ASPSCR1: variants seen among roughly 807,000 people sequenced by gnomAD.
ASPSCR1 encodes the protein ASPSCR1 tether for SLC2A4, UBX domain containing.
In ASPSCR1, 55 loss-of-function variants were observed where a neutral mutation model predicts 68.9. The observed-to-expected ratio is 0.80, with a 90% CI of 0.64 to 1.00. The LOEUF (loss-of-function observed/expected upper bound fraction) is 1.00, where lower values mean the gene tolerates loss of function less well. ASPSCR1 is among the 50% of genes least tolerant of loss of function. The pLI is 0.00. For synonymous variants in ASPSCR1, 352 were observed against 332.6 expected, an observed-to-expected ratio of 1.06 and a Z score of -0.63; for missense variants, 765 against 762.2, an observed-to-expected ratio of 1.00 and a Z score of -0.04.
At chr17:82,013,575 C>T (rs1245512078) in intron 12 of ASPSCR1, 2 of 152,194 alleles carry the variant, frequency 1.3e-5, no homozygotes, top group African/African-American at 4.8e-5. Flanking sequence ...GCGGAAGCAC[C>T]AGCTTTCACG....
In ASPSCR1 at chr17:81,996,420, G is replaced by T; in HGVS notation, c.507G>T (p.Arg169Ser). The stretch of plus-strand genomic sequence containing the variant: ...TCCCTTGTCCTCTGGCCCCACTCAG[G>T]TTTGTCATGAAGTGCTACGACCCCG... ...LGLTGGSATI[R>S]FVMKCYDPVG... Residue 169 changes from arginine to serine, a missense_variant and splice_region_variant, in exon 7 of 16, where the codon AGG (arginine) becomes AGT (serine). By Grantham distance (110) the Arg-to-Ser change is moderately radical (BLOSUM62 -1). Coordinates refer to ENST00000306739, the MANE Select transcript of ASPSCR1 (RefSeq NM_024083.4). The T allele has an allele frequency of 6.3e-7, 1 of 1,581,004 alleles. No homozygotes were observed. Among genetic ancestry groups the T allele is most frequent in the African/African-American group, 1.4e-5 (1 of 73,942 alleles).
chr17:81,983,742 A>G lies in ASPSCR1; in HGVS notation c.273+74A>G. 7.8e-7 allele frequency: 1 copy of G among 1,287,076 alleles called. No individual in the cohort carries two copies. The highest frequency in any genetic ancestry group is 1.1e-6 in the Non-Finnish European group (1 of 914,272). The allele number at this position is 1,287,076 out of a possible 1,614,324, so 79.7% of individuals were successfully genotyped here. On this transcript the variant is annotated intron_variant, in intron 3 of 15. Transcript: ENST00000306739. This position sits in a 1 kb window ranked among gnomAD's most constrained non-coding sequence, Gnocchi z 4.4. The stretch of plus-strand genomic sequence containing the variant: ...CAGCTGGCCAGGGACGGGGGACGGG[A>G]CAGTGGGGGGTGCTGGGGAAGGAGG...
chr17:81,982,372 G>A (rs954569031), intron 2 of ASPSCR1, among the ~76,000 whole-genome samples: 1 of 152,264 alleles, frequency 6.6e-6, no homozygotes, highest in South Asian at 2.1e-4. Context: ...CCATAGCCAT[G>A]TTTTCAGGTG....
chr17:81,985,073 T>TAC (rs536199160), intron 3 of ASPSCR1, among the ~76,000 whole-genome samples: 3 of 94,746 alleles, frequency 3.2e-5, no homozygotes, highest in Non-Finnish European at 6.1e-5. Context: ...CACACACCTG[T>TAC]ACACACACAC....
rs1206851423 is a variant in ASPSCR1 at position 81,983,744 on chromosome 17, A to T, written c.273+76A>T. 2.3e-5 allele frequency: 28 copies of T among 1,234,450 alleles called. No homozygotes were observed. The highest frequency in any genetic ancestry group is 2.9e-5 in the Non-Finnish European group (25 of 870,774). The allele number at this position is 1,234,450 out of a possible 1,614,324, so 76.5% of individuals were successfully genotyped here. A position where few individuals can be genotyped will look rare whatever the true frequency, so the allele number is the denominator to read the frequency against. On this transcript the variant is annotated intron_variant, in intron 3 of 15. Coordinates refer to ENST00000306739, the MANE Select transcript of ASPSCR1 (RefSeq NM_024083.4). This position sits in a 1 kb window ranked among gnomAD's most constrained non-coding sequence, Gnocchi z 4.4. ...GCTGGCCAGGGACGGGGGACGGGACAGTGGGGGGTGCTGGGGAAGGAGGGA... is the reference window on the plus strand; with the variant it reads ...GCTGGCCAGGGACGGGGGACGGGACTGTGGGGGGTGCTGGGGAAGGAGGGA...
Position 82,009,493 on chromosome 17 carries a change from C to G in ASPSCR1, c.1096C>G (p.Leu366Val). Residue 366 changes from leucine (L) to valine (V), a missense_variant, in exon 9 of 16, where the codon CTG becomes GTG. Coordinates refer to ENST00000306739, the MANE Select transcript of ASPSCR1 (RefSeq NM_024083.4). ...LAQLKSERKR[L>V]EEAPLVTKAF... ...TTCCCCTCCTCACCACAGGAAGCGC[C>G]TGGAAGAAGCCCCCTTGGTGACCAA... The G allele has an allele frequency of 6.3e-7, 1 of 1,580,004 alleles. No homozygotes were observed. The highest frequency in any genetic ancestry group is 8.6e-7 in the Non-Finnish European group (1 of 1,163,038).
At chr17:81,979,842 G>A (rs1049340840) in intron 2 of ASPSCR1, among the ~76,000 whole-genome samples, 1 of 152,188 alleles carries the variant, frequency 6.6e-6, no homozygotes, top group Non-Finnish European at 1.5e-5. Flanking sequence ...TGGGGATATT[G>A]TTCCCAAGAG....
chr17:81,983,944 G>A lies in ASPSCR1; in HGVS notation c.273+276G>A, dbSNP rs565558428. On this transcript the variant is annotated intron_variant, in intron 3 of 15. Transcript: ENST00000306739. The surrounding 1 kb of genome is among the most constrained non-coding windows in gnomAD (Gnocchi z 4.4). ...GCAGTCTCGGCTCACTTCAAGCTCC[G>A]CCTCCCGGGTTCACACCATTCTGCC... 2.9e-4 allele frequency among the ~76,000 whole-genome samples: 44 copies of A among 150,948 alleles called. No individual in the cohort carries two copies. In the East Asian group the frequency reaches 7.3e-3, roughly 25 times the overall value.
rs181139818 is a variant in ASPSCR1 at position 81,988,318 on chromosome 17, G to C, written c.374+2711G>C. ...TCTACTAAAAATACAAAAATTAGCT[G>C]GGCGCAATGGCTCATGCTTGTAGTC... is the stretch of plus-strand genomic sequence containing the variant. On this transcript the variant is annotated intron_variant, in intron 4 of 15. Coordinates refer to ENST00000306739, the MANE Select transcript of ASPSCR1 (RefSeq NM_024083.4). Among the ~76,000 whole-genome samples, 183 of 152,086 alleles carry C rather than the reference G, an allele frequency of 1.2e-3. 1 individual carries two copies. Among genetic ancestry groups the C allele is most frequent in the African/African-American group, 4.2e-3 (176 of 41,512 alleles).
chr17:82,001,294 T>G (rs983608500), intron 7 of ASPSCR1, among the ~76,000 whole-genome samples: 22 of 152,138 alleles, frequency 1.4e-4, no homozygotes, highest in African/African-American at 5.3e-4. Flanking sequence ...CCCTGGACCC[T>G]GACGCCGGGC....
intron 4 of ASPSCR1, among the ~76,000 whole-genome samples, chr17:81,993,115 T>A (rs2042224895): frequency 1.3e-5 from 2 of 152,056 alleles, no homozygotes; most frequent in African/African-American, 4.8e-5. Context: ...AGTCCCCAGG[T>A]GTCGGGGCTG....
Position 82,010,089 on chromosome 17 carries a change from T to TTG in ASPSCR1, c.1170+523_1170+524insGT, listed in dbSNP as rs754647845. 1.7e-3 allele frequency: 497 copies of TTG among 288,882 alleles called. 1 individual carries two copies. The highest frequency in any genetic ancestry group is 2.1e-3 in the Non-Finnish European group (311 of 145,082). The allele number at this position is 288,882 out of a possible 1,614,324, so 17.9% of individuals were successfully genotyped here. On this transcript the variant is annotated intron_variant, in intron 9 of 15. Coordinates refer to ENST00000306739, the MANE Select transcript of ASPSCR1 (RefSeq NM_024083.4). ...CACTAGCTCGGCTAATTTTTGTTGT[T>TTG]TTTTTTTTTTTTACTAGAGATGGAG...
In ASPSCR1 at chr17:82,009,325, C is replaced by T. The variant is rs943074619; in HGVS notation, c.1088+134C>T. 2.1e-4 allele frequency: 299 copies of T among 1,402,990 alleles called. 2 individuals are homozygous for T. The highest frequency in any genetic ancestry group is 4.2e-5 in the Non-Finnish European group (44 of 1,050,808). The allele number at this position is 1,402,990 out of a possible 1,614,324, so 86.9% of individuals were successfully genotyped here. On this transcript the variant is annotated intron_variant, in intron 8 of 15. Transcript: ENST00000306739. ...CCTGACAGGCTGCCCTTAACAGGAC[C>T]TCAGAGGGTTGGGGCCCAGGGAGGG...
chr17:81,977,681 T>C lies in ASPSCR1; in HGVS notation c.35T>C (p.Val12Ala). The C allele has an allele frequency of 4.3e-6, 6 of 1,396,676 alleles. No individual in the cohort carries two copies. The highest frequency in any genetic ancestry group is 5.6e-6 in the Non-Finnish European group (6 of 1,070,762). 86.5% of individuals were successfully genotyped at this position (1,396,676 alleles called of 1,614,324 possible). A position where few individuals can be genotyped will look rare whatever the true frequency, so the allele number is the denominator to read the frequency against. The change falls in exon 1 of 16, where the codon GTG becomes GCG. Residue 12 changes from valine to alanine, a missense_variant. Coordinates refer to ENST00000306739, the MANE Select transcript of ASPSCR1 (RefSeq NM_024083.4). This position sits in a 1 kb window ranked among gnomAD's most constrained non-coding sequence, Gnocchi z 5.0. ...CCGGCAGGCGGCGGAGGCTCCGCGG[T>C]GTCGGTGCTGGCCCCGAACGGCCGG... is the stretch of plus-strand genomic sequence containing the variant. ...AAPAGGGGSA[V>A]SVLAPNGRRH...
intron 1 of ASPSCR1, chr17:81,978,896 G>C (rs2041704673): frequency 1.9e-6 from 1 of 515,922 alleles, no homozygotes; most frequent in South Asian, 2.2e-5. Flanking sequence ...GAGAGCCCAG[G>C]GTGTGTGCCA....
Position 81,979,172 on chromosome 17 carries a change from T to A in ASPSCR1, c.103-12T>A. ...CACTCAGCAGTTCACCATCCTTTCA[T>A]CTCACCCCCAGGTTCTGGAGGACAC... On this transcript the variant is annotated splice_polypyrimidine_tract_variant and intron_variant, in intron 1 of 15. Coordinates refer to ENST00000306739, the MANE Select transcript of ASPSCR1 (RefSeq NM_024083.4). The A allele has an allele frequency of 1.2e-6, 2 of 1,613,912 alleles. No individual in the cohort carries two copies. The highest frequency in any genetic ancestry group is 1.7e-6 in the Non-Finnish European group (2 of 1,179,878).
intron 3 of ASPSCR1, among the ~76,000 whole-genome samples, chr17:81,984,897 CCA>C (rs1231552842): frequency 4.3e-5 from 5 of 116,948 alleles, no homozygotes; most frequent in Admixed American, 8.7e-5. Flanking sequence ...CCACACACAC[CCA>C]CACACACCCC....
At chr17:82,009,457 A>G (rs1487531074) in intron 8 of ASPSCR1, 29 bp from the exon 9 acceptor site, 9 of 1,551,324 alleles carry the variant, frequency 5.8e-6, no homozygotes, top group Non-Finnish European at 7.8e-6. Flanking sequence ...TCTGACCAGA[A>G]GCCCTGTTCC....
chr17:81,977,663 G>A lies in ASPSCR1; in HGVS notation c.17G>A (p.Gly6Asp). The change falls in exon 1 of 16, where the codon GGC becomes GAC. Residue 6 changes from glycine to aspartate, a missense_variant. By Grantham distance (94) the Gly-to-Asp change is moderately conservative. Coordinates refer to ENST00000306739, the MANE Select transcript of ASPSCR1 (RefSeq NM_024083.4). This position sits in a 1 kb window ranked among gnomAD's most constrained non-coding sequence, Gnocchi z 5.0. ...GAGCGGAAAATGGCGGCCCCGGCAG[G>A]CGGCGGAGGCTCCGCGGTGTCGGTG... is the stretch of plus-strand genomic sequence containing the variant. Reference protein sequence around the residue: MAAPAGGGGSAVSVLA... With the variant: MAAPADGGGSAVSVLA... The A allele has an allele frequency of 7.2e-7, 1 of 1,397,926 alleles. No individual in the cohort carries two copies. The highest frequency in any genetic ancestry group is 9.3e-7 in the Non-Finnish European group (1 of 1,072,202). 86.6% of individuals were successfully genotyped at this position (1,397,926 alleles called of 1,614,324 possible). A position where few individuals can be genotyped will look rare whatever the true frequency, so the allele number is the denominator to read the frequency against.
Sources: allele counts gnomAD v4.1 joint callset (sites outside exome capture counted in the v4.1 genomes callset), GRCh38; gene constraint gnomAD v4.1.1; non-coding constraint Gnocchi (gnomAD v3.1); transcripts MANE v1.5; gene names NCBI Gene and HGNC (gene_info 2026-07-23, HGNC 2026-07-21).